Variants in FAM184B observed in about 807,000 individuals in gnomAD.
FAM184B encodes family with sequence similarity 184 member B, also known as protein FAM184B.
A neutral mutation model predicts 135.9 loss-of-function variants in FAM184B; 111 were observed. That is an observed-to-expected ratio of 0.82 (90% CI 0.70 to 0.96). FAM184B has a LOEUF of 0.96. Among genes scored for constraint, FAM184B ranks in the 40% least tolerant of loss-of-function variants. The pLI is 0.00. For missense variants in FAM184B, 1,375 were observed against 1,323.9 expected (o/e 1.04, Z -0.60); for synonymous variants, 552 against 524.8 (o/e 1.05, Z -0.71).
intron 1 of FAM184B, among the ~76,000 whole-genome samples, chr4:17,762,948 C>T (rs1302326691): frequency 6.6e-6 from 1 of 152,198 alleles, no homozygotes; most frequent in Admixed American, 6.5e-5. Flanking sequence ...ACTGCACCTT[C>T]CGGATCTCCT....
chr4:17,702,914 C>T (rs1717023344), intron 5 of FAM184B, among the ~76,000 whole-genome samples: 2 of 152,096 alleles, frequency 1.3e-5, no homozygotes, highest in African/African-American at 2.4e-5. Context: ...AGTTGCAGCT[C>T]ATGTGGAGAA....
At chr4:17,689,585 A>T (rs1716672876) in intron 6 of FAM184B, among the ~76,000 whole-genome samples, 1 of 151,934 alleles carries the variant, frequency 6.6e-6, no homozygotes, top group South Asian at 2.1e-4. Flanking sequence ...TAATAAGAGC[A>T]CCTCCTTAAT....
Position 17,635,104 on chromosome 4 carries a change from TTCTCTC to T in FAM184B, c.2788_2793del (p.Glu930_Arg931del). 1.3e-6 allele frequency: 2 copies of T among 1,551,294 alleles called. No homozygotes were observed. The highest frequency in any genetic ancestry group is 2.4e-5 in the South Asian group (2 of 84,054). On this transcript the variant is annotated inframe_deletion, in exon 16 of 18. Transcript: ENST00000265018. ...CTGGGGAATGCTGCGTAGTGAAATC[TTCTCTC>T]TTCCTAGAAAACCAATACAACTGAG...
In FAM184B at chr4:17,705,030, G is replaced by A. The variant is rs964896193; in HGVS notation, c.1347C>T (p.Ser449=). 9 of 1,551,750 alleles carry A rather than the reference G, an allele frequency of 5.8e-6. No individual in the cohort carries two copies. Among genetic ancestry groups the A allele is most frequent in the South Asian group, 1.2e-5 (1 of 84,066 alleles). ...GCAGTTTCTTTCTTTCAGCCTCCAC[G>A]GACGAGCGAACGGATTTGATTTCCA... ...HTVEIKSVRS[S]VEAERKKLQR... Residue 449 remains serine, a synonymous_variant, in exon 5 of 18, where the codon TCC becomes TCT. Coordinates refer to ENST00000265018, the MANE Select transcript of FAM184B (RefSeq NM_015688.2).
chr4:17,690,147 CAAAA>C (rs1182400475), intron 6 of FAM184B, among the ~76,000 whole-genome samples: 2 of 129,998 alleles, frequency 1.5e-5, no homozygotes, highest in Non-Finnish European at 3.3e-5. Context: ...GACTCCGTCT[CAAAA>C]AAAAAAAAAA....
chr4:17,697,216 T>C (rs969150867), intron 5 of FAM184B, among the ~76,000 whole-genome samples: 3 of 152,136 alleles, frequency 2.0e-5, no homozygotes, highest in African/African-American at 7.2e-5. Flanking sequence ...ATTTGATGGA[T>C]GACTGAATGT....
chr4:17,772,845 C>T (rs1718848678), intron 1 of FAM184B, among the ~76,000 whole-genome samples: 2 of 152,192 alleles, frequency 1.3e-5, no homozygotes, highest in Non-Finnish European at 2.9e-5. Flanking sequence ...TGCACCTACC[C>T]CTGTAAAATT....
intron 1 of FAM184B, among the ~76,000 whole-genome samples, chr4:17,760,075 C>G (rs1718510924): frequency 6.6e-6 from 1 of 152,098 alleles, no homozygotes; most frequent in South Asian, 2.1e-4. Flanking sequence ...TCATGACATA[C>G]AAATTATCAC....
At chr4:17,643,154 G>C (rs1434282811) in intron 12 of FAM184B, among the ~76,000 whole-genome samples, 1 of 152,214 alleles carries the variant, frequency 6.6e-6, no homozygotes, top group Non-Finnish European at 1.5e-5. Context: ...ATGGAGGACA[G>C]AAACAGATGG....
intron 8 of FAM184B, among the ~76,000 whole-genome samples, chr4:17,660,491 GACA>G (rs569566751): frequency 9.6e-4 from 146 of 152,092 alleles, no homozygotes; most frequent in African/African-American, 3.4e-3. Context: ...CTATAAAAAC[GACA>G]ACAACACTTC....
intron 14 of FAM184B, among the ~76,000 whole-genome samples, chr4:17,637,054 T>TCTC (rs1715164175): frequency 6.6e-6 from 1 of 150,796 alleles, no homozygotes; most frequent in Admixed American, 6.6e-5. Flanking sequence ...GGAGACGGAG[T>TCTC]CTCCCTCTGT....
chr4:17,719,931 C>A (rs1310168657), intron 1 of FAM184B, among the ~76,000 whole-genome samples: 1 of 152,190 alleles, frequency 6.6e-6, no homozygotes, highest in South Asian at 2.1e-4. Flanking sequence ...TAATGAATCA[C>A]TCCCTCTTCT....
At chr4:17,658,199 T>C (rs1007705436) in intron 10 of FAM184B, 151 bp downstream of exon 10, 11 of 792,396 alleles carry the variant, frequency 1.4e-5, no homozygotes, top group Non-Finnish European at 2.0e-5. Context: ...CTGAGCCTCT[T>C]TCTTCATCTG....
chr4:17,633,211 C>G (rs1277326688), intron 17 of FAM184B: 1 of 154,228 alleles, frequency 6.5e-6, no homozygotes, highest in Non-Finnish European at 1.4e-5. Context: ...CGTGAGCCAC[C>G]AAGCCCGGCC....
chr4:17,753,732 G>A (rs1384534358), intron 1 of FAM184B, among the ~76,000 whole-genome samples: 1 of 152,204 alleles, frequency 6.6e-6, no homozygotes, highest in Non-Finnish European at 1.5e-5. Context: ...TTTGTCCATA[G>A]AGGGTGATTT....
intron 12 of FAM184B, among the ~76,000 whole-genome samples, chr4:17,644,995 GA>G (rs1715430476): frequency 6.6e-6 from 1 of 152,144 alleles, no homozygotes; most frequent in South Asian, 2.1e-4. Context: ...TTGCTTCAAA[GA>G]GAATAAAATA....
chr4:17,776,731 AG>A lies in FAM184B; in HGVS notation c.141+4427del, dbSNP rs1317956299. On this transcript the variant is annotated intron_variant, in intron 1 of 17. Transcript: ENST00000265018. The stretch of plus-strand genomic sequence containing the variant: ...TAATCAGAAAAGTAAGGTTTTTAAA[AG>A]GTTTTTTTTTTAGAGGAGGTGGGAC... 5.3e-5 allele frequency among the ~76,000 whole-genome samples: 8 copies of A among 152,134 alleles called. No individual in the cohort carries two copies. The East Asian group carries it at 1.5e-3, about 29-fold the overall frequency.
At chr4:17,752,395 A>G (rs1366351294) in intron 1 of FAM184B, among the ~76,000 whole-genome samples, 1 of 152,102 alleles carries the variant, frequency 6.6e-6, no homozygotes, top group Non-Finnish European at 1.5e-5. Context: ...AGGCAATGAA[A>G]AGAATGAATG....
At chr4:17,733,909 C>T (rs534202958) in intron 1 of FAM184B, among the ~76,000 whole-genome samples, 57 of 152,244 alleles carry the variant, frequency 3.7e-4, no homozygotes, top group East Asian at 3.1e-3. Flanking sequence ...GGAGGCATCA[C>T]GCTACCTGAC....
Sources: gnomAD v4.1 joint callset for allele counts (sites outside exome capture counted in the v4.1 genomes callset) on GRCh38, gnomAD v4.1.1 for gene constraint, MANE v1.5 for transcripts, NCBI Gene and HGNC (gene_info 2026-07-23, HGNC 2026-07-21) for gene names.